The following PATJ variants were observed in gnomAD, a reference collection of about 807,000 sequenced individuals.
PATJ encodes the protein inaD-like protein.
Under a neutral mutation model 224.9 loss-of-function variants are expected in PATJ, and 190 were observed. That is an observed-to-expected ratio of 0.84 (90% confidence interval 0.75 to 0.95). The LOEUF is 0.95. Ranked by LOEUF, PATJ falls within the 40% of genes least tolerant of loss-of-function variation. The pLI, the probability that PATJ is intolerant of heterozygous loss-of-function variation, is 0.00. For synonymous variants in PATJ, 769 were observed against 820.3 expected (o/e 0.94, Z 1.07); for missense variants, 2,121 against 2,270.3 (o/e 0.93, Z 1.34).
At chr1:61,946,638 AC>A (rs1361698120) in intron 27 of PATJ, among the ~76,000 whole-genome samples, 8 of 152,314 alleles carry the variant, frequency 5.3e-5, no homozygotes, top group Admixed American at 5.2e-4. Context: ...TACCAGAGGT[AC>A]AAAAAAGAGC....
intron 41 of PATJ, among the ~76,000 whole-genome samples, chr1:62,135,294 G>T (rs1417515880): frequency 6.6e-6 from 1 of 152,010 alleles, no homozygotes; most frequent in Non-Finnish European, 1.5e-5. Context: ...AGGTGGGGGG[G>T]ATCGCTTCAG....
At chr1:61,916,960 T>A (rs920390628) in intron 26 of PATJ, among the ~76,000 whole-genome samples, 2 of 152,180 alleles carry the variant, frequency 1.3e-5, no homozygotes, top group African/African-American at 4.8e-5. Flanking sequence ...GGCTGATCCA[T>A]CAGAATACAG....
chr1:61,952,545 C>T (rs571839938), intron 27 of PATJ: 38 of 665,276 alleles, frequency 5.7e-5, no homozygotes, highest in African/African-American at 5.0e-4. Flanking sequence ...AGTAAGAGAG[C>T]GAGGGCACAT....
At chr1:61,770,707 C>G (rs1415430922) in intron 5 of PATJ, among the ~76,000 whole-genome samples, 1 of 151,898 alleles carries the variant, frequency 6.6e-6, no homozygotes, top group African/African-American at 2.4e-5. Flanking sequence ...TTTGGGAGTT[C>G]AAGATCAGCC....
intron 27 of PATJ, among the ~76,000 whole-genome samples, chr1:61,943,298 G>A (rs10047074): frequency 0.058 from 8,871 of 152,256 alleles, 952 homozygotes; most frequent in African/African-American, 0.2. Flanking sequence ...GCGGGGCATC[G>A]CCTCACCCAG....
intron 31 of PATJ, among the ~76,000 whole-genome samples, chr1:62,059,361 C>G (rs1655040726): frequency 6.6e-6 from 1 of 152,150 alleles, no homozygotes; most frequent in South Asian, 2.1e-4. Flanking sequence ...GTTGCTCACC[C>G]CTGTAATCCC....
intron 17 of PATJ, among the ~76,000 whole-genome samples, chr1:61,852,932 AGTC>A (rs920599629): frequency 2.0e-5 from 3 of 152,226 alleles, no homozygotes; most frequent in African/African-American, 7.2e-5. Context: ...CAGGCAGAAA[AGTC>A]ATCATAAAAA....
At chr1:61,793,601 C>T (rs928588880) in intron 9 of PATJ, among the ~76,000 whole-genome samples, 5 of 151,326 alleles carry the variant, frequency 3.3e-5, no homozygotes, top group South Asian at 2.1e-4. Context: ...AAATTGTAGC[C>T]GCAGCTACTC....
intron 8 of PATJ, among the ~76,000 whole-genome samples, chr1:61,789,007 G>A (rs1239954659): frequency 6.6e-6 from 1 of 152,072 alleles, no homozygotes; most frequent in Admixed American, 6.5e-5. Context: ...CCAGGAGGAA[G>A]AGGAAAGAAA....
chr1:62,059,657 A>T (rs555222336), intron 31 of PATJ, among the ~76,000 whole-genome samples: 1 of 152,104 alleles, frequency 6.6e-6, no homozygotes, highest in East Asian at 1.9e-4. Flanking sequence ...TCAATTTTCA[A>T]TTTTGCAAAG....
At chr1:62,077,162 C>A (rs1658434552) in intron 31 of PATJ, among the ~76,000 whole-genome samples, 1 of 152,094 alleles carries the variant, frequency 6.6e-6, no homozygotes. Context: ...AGGAGAATGA[C>A]CTAAAAATTG....
At chr1:61,877,871 T>A (rs1425691880) in intron 21 of PATJ, among the ~76,000 whole-genome samples, 1 of 152,236 alleles carries the variant, frequency 6.6e-6, no homozygotes, top group African/African-American at 2.4e-5. Flanking sequence ...GTTATGACCA[T>A]TACCTGATTA....
chr1:61,743,057 T>G (rs1570169069), intron 1 of PATJ, among the ~76,000 whole-genome samples: 1 of 150,780 alleles, frequency 6.6e-6, no homozygotes, highest in Non-Finnish European at 1.5e-5. Context: ...GGGAACGGGG[T>G]GAGGGGACAA....
intron 33 of PATJ, among the ~76,000 whole-genome samples, chr1:62,100,683 T>C (rs1662042394): frequency 6.6e-6 from 1 of 152,228 alleles, no homozygotes; most frequent in African/African-American, 2.4e-5. Context: ...AACCTCTATC[T>C]ATCTCCAACC....
chr1:61,996,741 C>CTTTTTTTTTTTTTT (rs56215259), intron 28 of PATJ, among the ~76,000 whole-genome samples: 2 of 97,736 alleles, frequency 2.0e-5, no homozygotes, highest in East Asian at 2.9e-4. Flanking sequence ...CTTTTCTTTT[C>CTTTTTTTTTTTTTT]TTTTTTTTTT....
intron 28 of PATJ, among the ~76,000 whole-genome samples, chr1:62,015,160 CG>C (rs1646698317): frequency 6.6e-6 from 1 of 151,680 alleles, no homozygotes; most frequent in South Asian, 2.1e-4. Flanking sequence ...AAAAATTAGC[CG>C]GGCTTGGTGG....
rs984091530 is a variant in PATJ at position 62,161,899 on chromosome 1, C to A, written c.*845C>A. ...TACCAGTGATCCCCAAGATGAAATA[C>A]CAGATTCTCCTATGGGAAATTACTG... On this transcript the variant is annotated 3_prime_UTR_variant, in exon 44 of 44. Transcript: ENST00000642238. 6.6e-6 allele frequency: 1 copy of A among 152,196 alleles called. No individual in the cohort carries two copies. Among genetic ancestry groups the A allele is most frequent in the African/African-American group, 2.4e-5 (1 of 41,446 alleles). The allele number at this position is 152,196 out of a possible 1,614,324, so 9.4% of individuals were successfully genotyped here. A position where few individuals can be genotyped will look rare whatever the true frequency, so the allele number is the denominator to read the frequency against.
At chr1:61,806,661 C>G (rs1371417138) in intron 13 of PATJ, among the ~76,000 whole-genome samples, 1 of 151,098 alleles carries the variant, frequency 6.6e-6, no homozygotes. Context: ...TTCACACTTT[C>G]TCTTGGTAAC....
At chr1:62,034,442 CAAAAAAA>C (rs58542108) in intron 29 of PATJ, among the ~76,000 whole-genome samples, 1 of 100,230 alleles carries the variant, frequency 1.0e-5, no homozygotes, top group African/African-American at 4.0e-5. Flanking sequence ...GACTCTGTCT[CAAAAAAA>C]AAAAAAAAAA....
Sources: gnomAD v4.1 joint callset for allele counts (sites outside exome capture counted in the v4.1 genomes callset) on GRCh38, gnomAD v4.1.1 for gene constraint, MANE v1.5 for transcripts, NCBI Gene and HGNC (gene_info 2026-07-23, HGNC 2026-07-21) for gene names.